The following FAM3D variants were observed in gnomAD, a reference collection of about 807,000 sequenced individuals.
The protein encoded by FAM3D is protein FAM3D.
A neutral mutation model predicts 29.8 loss-of-function variants in FAM3D; 26 were observed. The observed-to-expected ratio is 0.87, with a 90% CI of 0.64 to 1.21. The LOEUF is 1.21. Among genes scored for constraint, FAM3D ranks in the 50% most tolerant of loss-of-function variants. The pLI, the probability that FAM3D is intolerant of heterozygous loss-of-function variation, is 0.00. For missense variants in FAM3D, 253 were observed against 290.9 expected, an observed-to-expected ratio of 0.87 and a Z score of 0.95; for synonymous variants, 115 against 102.3, an observed-to-expected ratio of 1.12 and a Z score of -0.75.
intron 8 of FAM3D, 64 bp from the exon 9 acceptor site, chr3:58,636,484 G>T: frequency 6.3e-7 from 1 of 1,590,144 alleles, no homozygotes; most frequent in South Asian, 1.1e-5. Context: ...CAGGTGGTGG[G>T]ATTCCCATGG....
intron 4 of FAM3D, 66 bp from the exon 5 acceptor site, chr3:58,645,692 GAGGGCCAGGGCT>G (rs200028657): frequency 0.023 from 31,807 of 1,381,452 alleles, 759 homozygotes; most frequent in South Asian, 0.088. Context: ...AGAAGGAGGG[GAGGGCCAGGGCT>G]AGGGCCAGGG....
intron 6 of FAM3D, among the ~76,000 whole-genome samples, chr3:58,641,552 T>C (rs750989203): frequency 7.2e-5 from 11 of 151,938 alleles, no homozygotes; most frequent in Non-Finnish European, 1.2e-4. Flanking sequence ...ACGGGGCGGA[T>C]TCGGGGGGTG....
chr3:58,636,288 A>G lies in FAM3D; in HGVS notation c.585+6T>C, dbSNP rs760530828. ...TCATAGGGCCGGGTTGTGGCCCAGA[A>G]CCCACCTGCTCAAAGGGGCTTTTAC... On this transcript the variant is annotated splice_donor_region_variant and intron_variant, in intron 9 of 9. Coordinates refer to ENST00000358781, the MANE Select transcript of FAM3D (RefSeq NM_138805.3). 3 of 1,613,250 alleles carry G rather than the reference A, an allele frequency of 1.9e-6. No homozygotes were observed. Among genetic ancestry groups the G allele is most frequent in the Non-Finnish European group, 2.5e-6 (3 of 1,179,824 alleles).
At chr3:58,663,077 T>G (rs1000343914) in intron 1 of FAM3D, among the ~76,000 whole-genome samples, 4 of 152,206 alleles carry the variant, frequency 2.6e-5, no homozygotes, top group African/African-American at 9.6e-5. Flanking sequence ...TATTGTATTT[T>G]TAGTAGAGAC....
At chr3:58,653,615 T>C (rs2066708241) in intron 3 of FAM3D, 59 bp downstream of exon 3, 3 of 1,488,606 alleles carry the variant, frequency 2.0e-6, no homozygotes, top group African/African-American at 1.4e-5. Context: ...GGGAAGAATA[T>C]GTCTTCGGCC....
rs577824927 is a variant in FAM3D, at chr3:58,635,010, A to G, written c.586-642T>C. 5.3e-4 allele frequency among the ~76,000 whole-genome samples: 81 copies of G among 152,212 alleles called. No individual in the cohort carries two copies. Among genetic ancestry groups the G allele is most frequent in the African/African-American group, 1.9e-3 (80 of 41,538 alleles). On this transcript the variant is annotated intron_variant, in intron 9 of 9. Transcript: ENST00000358781. This position sits in a 1 kb window ranked among gnomAD's most constrained non-coding sequence, Gnocchi z 5.2. ...GGGCAACATGGGAGACCCTGTCTCT[A>G]GAAAACATAAAAAAATTAGCTGGAT...
At chr3:58,665,223 C>T (rs1235270720) in intron 1 of FAM3D, among the ~76,000 whole-genome samples, 1 of 152,130 alleles carries the variant, frequency 6.6e-6, no homozygotes, top group African/African-American at 2.4e-5. Context: ...CAATGGCAAA[C>T]TCCTCCCTAG....
intron 1 of FAM3D, among the ~76,000 whole-genome samples, chr3:58,663,594 A>C (rs937596823): frequency 1.3e-5 from 2 of 151,876 alleles, no homozygotes; most frequent in Non-Finnish European, 2.9e-5. Context: ...CTCCCACCCT[A>C]CCCCTTCCCT....
At chr3:58,653,065 T>C (rs1046643903) in intron 3 of FAM3D, among the ~76,000 whole-genome samples, 1 of 152,070 alleles carries the variant, frequency 6.6e-6, no homozygotes, top group Non-Finnish European at 1.5e-5. Flanking sequence ...AATAAAATCC[T>C]TGTCTTCAGG....
At chr3:58,641,056 G>A (rs1015183249) in intron 6 of FAM3D, among the ~76,000 whole-genome samples, 5 of 152,134 alleles carry the variant, frequency 3.3e-5, no homozygotes, top group Non-Finnish European at 7.4e-5. Flanking sequence ...TGGGGGTGGC[G>A]GCCAGCATAG....
intron 9 of FAM3D, among the ~76,000 whole-genome samples, 156 bp downstream of exon 9, chr3:58,636,138 C>G (rs2066162180): frequency 6.6e-6 from 1 of 152,232 alleles, no homozygotes; most frequent in Non-Finnish European, 1.5e-5. Flanking sequence ...GCCAATCAGA[C>G]CACCCTGGCC....
chr3:58,646,424 G>C (rs966049041), intron 4 of FAM3D, among the ~76,000 whole-genome samples: 10 of 152,172 alleles, frequency 6.6e-5, no homozygotes, highest in African/African-American at 2.2e-4. Flanking sequence ...CCATGCCTGG[G>C]GGGAGATGCT....
chr3:58,665,747 C>T (rs17059693), intron 1 of FAM3D, among the ~76,000 whole-genome samples: 5 of 152,236 alleles, frequency 3.3e-5, no homozygotes, highest in Admixed American at 6.5e-5. Flanking sequence ...CTTGGCTCTC[C>T]GTCTGCAGAG....
intron 5 of FAM3D, among the ~76,000 whole-genome samples, 164 bp from the exon 6 acceptor site, chr3:58,643,884 T>A (rs575535406): frequency 6.6e-6 from 1 of 152,142 alleles, no homozygotes; most frequent in Non-Finnish European, 1.5e-5. Flanking sequence ...AAACTAGTGG[T>A]GGGCTGGATT....
chr3:58,647,443 C>A (rs2106823069), intron 4 of FAM3D, among the ~76,000 whole-genome samples: 1 of 152,308 alleles, frequency 6.6e-6, no homozygotes, highest in Non-Finnish European at 1.5e-5. Flanking sequence ...CTCCTACAGC[C>A]TTGGGGCCCC....
chr3:58,644,258 G>T (rs2066416802), intron 5 of FAM3D, among the ~76,000 whole-genome samples: 1 of 152,216 alleles, frequency 6.6e-6, no homozygotes, highest in African/African-American at 2.4e-5. Context: ...GATATGGTTT[G>T]GCTGTGTCCC....
chr3:58,636,935 C>A (rs998238269), intron 8 of FAM3D, among the ~76,000 whole-genome samples: 2 of 152,140 alleles, frequency 1.3e-5, no homozygotes, highest in Admixed American at 1.3e-4. Flanking sequence ...TATTATTGGA[C>A]AGGGAGAGGG....
Position 58,634,193 on chromosome 3 carries a change from C to A in FAM3D, c.*86G>T. 7.9e-7 allele frequency: 1 copy of A among 1,265,730 alleles called. No homozygotes were observed. Among genetic ancestry groups the A allele is most frequent in the Admixed American group, 1.9e-5 (1 of 51,690 alleles). 78.4% of individuals were successfully genotyped at this position (1,265,730 alleles called of 1,614,324 possible). A position where few individuals can be genotyped will look rare whatever the true frequency, so the allele number is the denominator to read the frequency against. On this transcript the variant is annotated 3_prime_UTR_variant, in exon 10 of 10. Transcript: ENST00000358781. This position sits in a 1 kb window ranked among gnomAD's most constrained non-coding sequence, Gnocchi z 4.6. The stretch of plus-strand genomic sequence containing the variant: ...ACCTTCCACGCAGCACCCCCTGCTC[C>A]TCCTCCTCAGCCCCTGCCGGGCTCT...
rs908402188 is a variant in FAM3D, at chr3:58,643,647, G to C, written c.322+15C>G. 3 of 1,612,932 alleles carry C rather than the reference G, an allele frequency of 1.9e-6. No homozygotes were observed. The Admixed American group carries it at 5.0e-5, about 27-fold the overall frequency. ...TTCTGGGTGGGAACTGTCTGGGGAT[G>C]GATATGCAACTCACCATTCACCAGG... On this transcript the variant is annotated intron_variant, in intron 6 of 9. Transcript: ENST00000358781.
Sources: allele counts gnomAD v4.1 joint callset (sites outside exome capture counted in the v4.1 genomes callset), GRCh38; gene constraint gnomAD v4.1.1; non-coding constraint Gnocchi (gnomAD v3.1); transcripts MANE v1.5; gene names NCBI Gene and HGNC (gene_info 2026-07-23, HGNC 2026-07-21).